Variants in DLGAP1 observed in about 807,000 individuals in gnomAD.
DLGAP1 encodes disks large-associated protein 1.
In DLGAP1, 11 loss-of-function variants were observed where a neutral mutation model predicts 90.8. The observed-to-expected ratio is 0.12, with a 90% CI of 0.08 to 0.20. The LOEUF is 0.20. DLGAP1 is among the 10% of genes least tolerant of loss of function. The pLI, the probability that DLGAP1 is intolerant of heterozygous loss-of-function variation, is 1.00. For missense variants in DLGAP1, 1,050 were observed against 1,333.8 expected (o/e 0.79, Z 3.31); for synonymous variants, 558 against 540.7 (o/e 1.03, Z -0.44).
At chr18:3,822,498 C>A (rs1473542751) in intron 4 of DLGAP1, among the ~76,000 whole-genome samples, 1 of 152,166 alleles carries the variant, frequency 6.6e-6, no homozygotes. Flanking sequence ...TCTGGTGAAT[C>A]TGGAGGGTGG....
intron 3 of DLGAP1, chr18:3,995,355 A>G (rs1226480268): frequency 6.6e-6 from 1 of 152,174 alleles, no homozygotes; most frequent in Non-Finnish European, 1.5e-5. Flanking sequence ...ATGAGGTAGG[A>G]ACTAAATATT....
At chr18:4,368,400 A>T (rs1471803978) in intron 1 of DLGAP1, among the ~76,000 whole-genome samples, 1 of 152,288 alleles carries the variant, frequency 6.6e-6, no homozygotes, top group Middle Eastern at 3.4e-3. Flanking sequence ...GTAGACACTG[A>T]GTAAAGCAGA....
In DLGAP1 at chr18:3,526,910, C is replaced by G; in HGVS notation, c.2479+7284G>C. ...CATTTTACTTCAAGTGCTGCGGGAACAAGCATTCTGTCAGCTGTCTTGGCT... is the reference window on the plus strand; with the variant it reads ...CATTTTACTTCAAGTGCTGCGGGAAGAAGCATTCTGTCAGCTGTCTTGGCT... On this transcript the variant is annotated intron_variant, in intron 10 of 12. Transcript: ENST00000315677. This position sits in a 1 kb window ranked among gnomAD's most constrained non-coding sequence, Gnocchi z 4.7. Among the ~76,000 whole-genome samples the G allele has an allele frequency of 6.6e-6, 1 of 152,064 alleles. No individual in the cohort carries two copies. Among genetic ancestry groups the G allele is most frequent in the East Asian group, 1.9e-4 (1 of 5,192 alleles).
chr18:3,786,541 T>C (rs1161752442), intron 5 of DLGAP1, among the ~76,000 whole-genome samples: 1 of 152,138 alleles, frequency 6.6e-6, no homozygotes, highest in Non-Finnish European at 1.5e-5. Flanking sequence ...GGTCTTGGGT[T>C]TGGACTAGCT....
intron 7 of DLGAP1, among the ~76,000 whole-genome samples, chr18:3,600,829 T>TATATAG (rs371412009): frequency 0.17 from 4,603 of 26,810 alleles, 987 homozygotes; most frequent in Middle Eastern, 0.29. Flanking sequence ...GATATATAGA[T>TATATAG]ATATATAGAT....
At chr18:3,713,381 T>C (rs2061659284) in intron 7 of DLGAP1, among the ~76,000 whole-genome samples, 1 of 152,180 alleles carries the variant, frequency 6.6e-6, no homozygotes, top group Non-Finnish European at 1.5e-5. Context: ...ATGGATGGCG[T>C]TGAAGGCCTG....
intron 3 of DLGAP1, among the ~76,000 whole-genome samples, chr18:3,893,048 C>T (rs1020378227): frequency 2.0e-4 from 30 of 151,826 alleles, no homozygotes; most frequent in South Asian, 2.1e-4. Flanking sequence ...ATTTCTCATC[C>T]CTCACCACCC....
At chr18:4,442,621 TA>T in intron 1 of DLGAP1, among the ~76,000 whole-genome samples, 1 of 152,296 alleles carries the variant, frequency 6.6e-6, no homozygotes, top group African/African-American at 2.4e-5. Context: ...GAGAAAGTGG[TA>T]AAAGTAGCTT....
At chr18:4,372,184 G>A (rs2081930819) in intron 1 of DLGAP1, among the ~76,000 whole-genome samples, 1 of 152,150 alleles carries the variant, frequency 6.6e-6, no homozygotes, top group African/African-American at 2.4e-5. Context: ...TGGCTTGCTA[G>A]GTCACAAGGT....
At chr18:3,858,873 T>C (rs2069846011) in intron 4 of DLGAP1, among the ~76,000 whole-genome samples, 1 of 151,952 alleles carries the variant, frequency 6.6e-6, no homozygotes, top group Non-Finnish European at 1.5e-5. Context: ...GTTAACACTT[T>C]AAATGTAAGA....
chr18:3,902,333 G>A (rs1445777318), intron 3 of DLGAP1, among the ~76,000 whole-genome samples: 1 of 152,088 alleles, frequency 6.6e-6, no homozygotes, highest in African/African-American at 2.4e-5. Flanking sequence ...TTTAACAAAT[G>A]TATTCAAATA....
At chr18:4,072,954 G>A (rs1236647485) in intron 2 of DLGAP1, among the ~76,000 whole-genome samples, 5 of 152,118 alleles carry the variant, frequency 3.3e-5, no homozygotes, top group Admixed American at 6.5e-5. Context: ...GAGTAAGAAC[G>A]TGGACTTCAG....
intron 9 of DLGAP1, among the ~76,000 whole-genome samples, chr18:3,552,876 C>T: frequency 6.6e-6 from 1 of 152,116 alleles, no homozygotes; most frequent in East Asian, 1.9e-4. Flanking sequence ...TCTTGGATTC[C>T]TGCACTACTG....
intron 2 of DLGAP1, among the ~76,000 whole-genome samples, chr18:4,067,937 G>C (rs1440260899): frequency 1.3e-5 from 2 of 151,988 alleles, no homozygotes; most frequent in Admixed American, 1.3e-4. Flanking sequence ...AGGACCTCTT[G>C]AGACTGTGCC....
chr18:3,813,985 G>A (rs1044788554), intron 5 of DLGAP1, 74 bp downstream of exon 5: 2 of 1,463,516 alleles, frequency 1.4e-6, no homozygotes, highest in Non-Finnish European at 1.9e-6. Context: ...CTTACTCTAG[G>A]AGACACACCA....
chr18:3,779,082 T>C (rs993085465), intron 5 of DLGAP1, among the ~76,000 whole-genome samples: 4 of 152,174 alleles, frequency 2.6e-5, no homozygotes, highest in African/African-American at 9.7e-5. Context: ...GAGCAAGTTT[T>C]CCAAATCTAG....
chr18:4,431,975 T>A (rs1356989570), intron 1 of DLGAP1, among the ~76,000 whole-genome samples: 2 of 152,228 alleles, frequency 1.3e-5, no homozygotes, highest in Non-Finnish European at 2.9e-5. Context: ...AAATGTGAAA[T>A]AGTTTAAATG....
chr18:3,765,373 G>T (rs957021388), intron 5 of DLGAP1, among the ~76,000 whole-genome samples: 4 of 150,476 alleles, frequency 2.7e-5, no homozygotes, highest in South Asian at 2.1e-4. Flanking sequence ...CTCATGATCT[G>T]CCCACCTTGG....
chr18:4,315,544 T>C (rs1187193296), intron 1 of DLGAP1, among the ~76,000 whole-genome samples: 2 of 152,226 alleles, frequency 1.3e-5, no homozygotes, highest in Non-Finnish European at 2.9e-5. Context: ...AAGTAAAAAG[T>C]TACAATCTTT....
Sources: gnomAD v4.1 joint callset for allele counts (sites outside exome capture counted in the v4.1 genomes callset) on GRCh38, gnomAD v4.1.1 for gene constraint, Gnocchi (gnomAD v3.1) non-coding constraint, MANE v1.5 for transcripts, NCBI Gene and HGNC (gene_info 2026-07-23, HGNC 2026-07-21) for gene names.